The following ABCA10 variants were observed in gnomAD, a reference collection of about 807,000 sequenced individuals.
ABCA10 encodes ATP-binding cassette sub-family A member 10.
Under a neutral mutation model 187.5 loss-of-function variants are expected in ABCA10, and 169 were observed. The observed-to-expected ratio is 0.90, with a 90% CI of 0.80 to 1.02. ABCA10 has a LOEUF of 1.02. ABCA10 is among the 50% of genes least tolerant of loss of function. The pLI is 0.00. For missense variants in ABCA10, 1,727 were observed against 1,812.4 expected (o/e 0.95, Z 0.86); for synonymous variants, 574 against 601.8 (o/e 0.95, Z 0.68).
At chr17:69,228,440 A>G (rs757159570) in intron 1 of ABCA10, 141 bp downstream of exon 1, 2 of 152,044 alleles carry the variant, frequency 1.3e-5, no homozygotes, top group Non-Finnish European at 2.9e-5. Flanking sequence ...CACTAGTACT[A>G]TAACATAAAG....
chr17:69,216,955 G>A (rs1447977558), intron 6 of ABCA10, among the ~76,000 whole-genome samples: 2 of 152,040 alleles, frequency 1.3e-5, no homozygotes. Flanking sequence ...TAAAAGGAAA[G>A]GTATTATGAT....
chr17:69,175,361 C>T (rs1361431021), intron 23 of ABCA10, 45 bp downstream of exon 23: 4 of 1,533,600 alleles, frequency 2.6e-6, no homozygotes, highest in Non-Finnish European at 1.8e-6. Flanking sequence ...TTACTACAGT[C>T]AAATAAAATC....
chr17:69,211,735 T>C (rs1297361686), intron 9 of ABCA10, among the ~76,000 whole-genome samples: 1 of 152,156 alleles, frequency 6.6e-6, no homozygotes, highest in Non-Finnish European at 1.5e-5. Context: ...TCCAGGAATT[T>C]ATCCATCTCC....
intron 27 of ABCA10, among the ~76,000 whole-genome samples, chr17:69,160,850 G>A (rs748654187): frequency 8.5e-5 from 13 of 152,082 alleles, no homozygotes; most frequent in Non-Finnish European, 1.6e-4. Flanking sequence ...AAACAGTATG[G>A]AGGTTCCTCA....
Position 69,149,090 on chromosome 17 carries a change from T to G in ABCA10, c.4478-2A>C. On this transcript the variant is annotated splice_acceptor_variant, in intron 37 of 38. Coordinates refer to ENST00000690296, the MANE Select transcript of ABCA10 (RefSeq NM_001377321.1). LOFTEE classifies it high-confidence loss of function. ...CCTCCAGGTTGAAGGTCTGTTTCAC[T>G]GCATGTAAAGAGACTGACATTAGTG... is the stretch of plus-strand genomic sequence containing the variant. 6.2e-7 allele frequency: 1 copy of G among 1,613,936 alleles called. No homozygotes were observed. The highest frequency in any genetic ancestry group is 8.5e-7 in the Non-Finnish European group (1 of 1,179,848).
At chr17:69,195,437 A>G (rs1410004646) in intron 11 of ABCA10, among the ~76,000 whole-genome samples, 1 of 151,520 alleles carries the variant, frequency 6.6e-6, no homozygotes, top group Non-Finnish European at 1.5e-5. Flanking sequence ...TGGCAGAAAC[A>G]TATTTTAATT....
intron 1 of ABCA10, among the ~76,000 whole-genome samples, chr17:69,238,648 T>C (rs74843023): frequency 0.13 from 20,090 of 152,174 alleles, 2,411 homozygotes; most frequent in African/African-American, 0.33. Flanking sequence ...CTTAAAATGA[T>C]TGGGCATTCT....
chr17:69,235,459 AC>A (rs2074861854), intron 1 of ABCA10, among the ~76,000 whole-genome samples: 1 of 152,100 alleles, frequency 6.6e-6, no homozygotes, highest in African/African-American at 2.4e-5. Flanking sequence ...GAACTCTATT[AC>A]TGCCTCACCA....
chr17:69,231,633 C>T (rs1018856087), upstream of ABCA10, among the ~76,000 whole-genome samples: 1 of 152,070 alleles, frequency 6.6e-6, no homozygotes, highest in African/African-American at 2.4e-5. Context: ...AGAAAAGCTA[C>T]TTGATGTAAT....
chr17:69,186,213 T>A (rs1598103175), intron 19 of ABCA10, among the ~76,000 whole-genome samples: 1 of 152,130 alleles, frequency 6.6e-6, no homozygotes, highest in East Asian at 1.9e-4. Flanking sequence ...GAGTCCACTC[T>A]GCAATGACTA....
Position 69,220,081 on chromosome 17 carries a change from G to T in ABCA10, c.304-310C>A, listed in dbSNP as rs368382315. On this transcript the variant is annotated intron_variant, in intron 5 of 38. Transcript: ENST00000690296. The stretch of plus-strand genomic sequence containing the variant: ...CATTTTGTAGCGCAGCAGAAGAAAG[G>T]AGAGATATTAAATAAATCATTGCAT... Among the ~76,000 whole-genome samples the T allele has an allele frequency of 2.0e-5, 3 of 152,296 alleles. No homozygotes were observed. The East Asian group carries it at 5.8e-4, about 29-fold the overall frequency.
At chr17:69,240,344 T>C (rs143130719) in intron 1 of ABCA10, among the ~76,000 whole-genome samples, 1 of 152,272 alleles carries the variant, frequency 6.6e-6, no homozygotes, top group East Asian at 1.9e-4. Context: ...TTGTATTAGT[T>C]TGCTAAGGCT....
At chr17:69,156,805 T>C in intron 28 of ABCA10, 27 bp downstream of exon 28, 1 of 1,318,150 alleles carries the variant, frequency 7.6e-7, no homozygotes, top group Non-Finnish European at 1.0e-6. Flanking sequence ...TAGATTATAT[T>C]CAGATCTCAA....
At chr17:69,191,432 T>G in intron 16 of ABCA10, 117 bp from the exon 17 acceptor site, 18 of 1,071,568 alleles carry the variant, frequency 1.7e-5, no homozygotes, top group South Asian at 1.2e-4. Context: ...TACTTAACTC[T>G]AGTAATTGGT....
At chr17:69,159,230 A>G (rs2074197034) in intron 27 of ABCA10, among the ~76,000 whole-genome samples, 1 of 152,074 alleles carries the variant, frequency 6.6e-6, no homozygotes, top group South Asian at 2.1e-4. Flanking sequence ...TATGACTCAA[A>G]TACAGACTTT....
intron 22 of ABCA10, among the ~76,000 whole-genome samples, chr17:69,179,299 C>T (rs1223554280): frequency 6.6e-6 from 1 of 152,016 alleles, no homozygotes; most frequent in Non-Finnish European, 1.5e-5. Context: ...CAATCAACAA[C>T]GAATGTATTT....
intron 3 of ABCA10, among the ~76,000 whole-genome samples, chr17:69,223,230 A>T (rs2074764428): frequency 6.6e-6 from 1 of 152,122 alleles, no homozygotes; most frequent in South Asian, 2.1e-4. Context: ...CAATACAAAT[A>T]CTCAGAATTT....
chr17:69,193,082 T>C (rs754975331), intron 15 of ABCA10, 28 bp downstream of exon 15: 1 of 1,567,480 alleles, frequency 6.4e-7, no homozygotes, highest in South Asian at 1.2e-5. Context: ...CTTAAATAAC[T>C]AGTTGGAATA....
intron 17 of ABCA10, among the ~76,000 whole-genome samples, chr17:69,190,860 C>T (rs2074454399): frequency 6.6e-6 from 1 of 151,612 alleles, no homozygotes; most frequent in African/African-American, 2.4e-5. Flanking sequence ...TATTGAACTG[C>T]TTACATATAT....
Sources: allele counts gnomAD v4.1 joint callset (sites outside exome capture counted in the v4.1 genomes callset), GRCh38; gene constraint gnomAD v4.1.1; transcripts MANE v1.5; gene names NCBI Gene and HGNC (gene_info 2026-07-23, HGNC 2026-07-21).